The following ITGAM variants were observed in gnomAD, a reference collection of about 807,000 sequenced individuals.
ITGAM encodes the protein integrin subunit alpha M, also known as integrin alpha-M.
A neutral mutation model predicts 137.5 loss-of-function variants in ITGAM; 79 were observed. The observed-to-expected ratio is 0.57, with a 90% CI of 0.48 to 0.69. ITGAM has a LOEUF of 0.69. ITGAM is among the 30% of genes least tolerant of loss of function. ITGAM has a pLI of 0.00. For synonymous variants in ITGAM, 583 were observed against 592.3 expected (o/e 0.98, Z 0.23); for missense variants, 1,343 against 1,483.5 (o/e 0.91, Z 1.56).
At chr16:31,270,699 G>GTATA (rs869206231) in intron 5 of ITGAM, among the ~76,000 whole-genome samples, 541 of 25,882 alleles carry the variant, frequency 0.021, 28 homozygotes, top group South Asian at 0.046. Context: ...GTGTGTGTGT[G>GTATA]TATATATATA....
intron 14 of ITGAM, among the ~76,000 whole-genome samples, chr16:31,311,120 T>C (rs925452296): frequency 7.9e-5 from 12 of 152,180 alleles, no homozygotes; most frequent in Admixed American, 4.6e-4. Context: ...TTACACCGTA[T>C]ACAAAAATTA....
chr16:31,302,990 T>A (rs1019191033), intron 14 of ITGAM, among the ~76,000 whole-genome samples: 1 of 115,836 alleles, frequency 8.6e-6, no homozygotes, highest in Non-Finnish European at 1.8e-5. Flanking sequence ...CTTTCTTTCT[T>A]TCTTTCTTTT....
At chr16:31,271,109 G>T in intron 6 of ITGAM, 25 bp downstream of exon 6, 1 of 1,506,884 alleles carries the variant, frequency 6.6e-7, no homozygotes, top group South Asian at 1.3e-5. Context: ...GTAGGTTAGG[G>T]AAGAGCCCAC....
chr16:31,272,302 T>G (rs2079849637), intron 7 of ITGAM, among the ~76,000 whole-genome samples: 1 of 149,680 alleles, frequency 6.7e-6, no homozygotes, highest in Non-Finnish European at 1.5e-5. Flanking sequence ...CACTCTGATT[T>G]TGAGGTGGGT....
intron 2 of ITGAM, among the ~76,000 whole-genome samples, chr16:31,263,238 G>T (rs2079725478): frequency 6.6e-6 from 1 of 152,214 alleles, no homozygotes; most frequent in Non-Finnish European, 1.5e-5. Context: ...ACCGTGCCTG[G>T]CTTGTAATCT....
chr16:31,270,746 T>TATATATA (rs1410086162), intron 5 of ITGAM, among the ~76,000 whole-genome samples: 2 of 106,652 alleles, frequency 1.9e-5, no homozygotes, highest in African/African-American at 4.2e-5. Context: ...TATATATATG[T>TATATATA]TTTTAACGTG....
rs574215077 is a variant in ITGAM at position 31,332,748 on chromosome 16, C to T, written c.*1041C>T. 1.1e-4 allele frequency: 17 copies of T among 152,254 alleles called. No individual in the cohort carries two copies. The South Asian group carries it at 1.2e-3, about 11-fold the overall frequency. The allele number at this position is 152,254 out of a possible 1,614,324, so 9.4% of individuals were successfully genotyped here. On this transcript the variant is annotated 3_prime_UTR_variant, in exon 30 of 30. Transcript: ENST00000544665. ...AAATTACTTTTTCATTCTTTTATAC[C>T]GCTGCATAGTATTCCATTGTGTGAG...
chr16:31,286,670 TC>T (rs2080033011), intron 12 of ITGAM, among the ~76,000 whole-genome samples: 1 of 152,242 alleles, frequency 6.6e-6, no homozygotes, highest in African/African-American at 2.4e-5. Context: ...TCTGTTTATG[TC>T]CTTTACCCAC....
chr16:31,281,190 T>G (rs1051702126), intron 12 of ITGAM, among the ~76,000 whole-genome samples: 1 of 152,186 alleles, frequency 6.6e-6, no homozygotes, highest in Non-Finnish European at 1.5e-5. Flanking sequence ...TTTTTTTTGT[T>G]GTGTCTCTTC....
Position 31,267,192 on chromosome 16 carries a change from G to T in ITGAM, c.427+1045G>T, listed in dbSNP as rs187373888. ...GAGCCACCATGCCTGGCCAGAGTGCGTGGATCTTTCAAGCTGCTTTTTCCC... is the reference window on the plus strand; with the variant it reads ...GAGCCACCATGCCTGGCCAGAGTGCTTGGATCTTTCAAGCTGCTTTTTCCC... On this transcript the variant is annotated intron_variant, in intron 5 of 29. Coordinates refer to ENST00000544665, the MANE Select transcript of ITGAM (RefSeq NM_000632.4). Among the ~76,000 whole-genome samples the T allele has an allele frequency of 5.9e-5, 9 of 152,272 alleles. No individual in the cohort carries two copies. The East Asian group carries it at 1.7e-3, about 29-fold the overall frequency.
At chr16:31,287,273 G>A (rs1292518753) in intron 12 of ITGAM, among the ~76,000 whole-genome samples, 1 of 151,948 alleles carries the variant, frequency 6.6e-6, no homozygotes, top group East Asian at 1.9e-4. Context: ...ATACTGTTTT[G>A]GTTACTATAG....
chr16:31,296,703 C>G (rs1474482263), intron 12 of ITGAM, among the ~76,000 whole-genome samples: 1 of 152,150 alleles, frequency 6.6e-6, no homozygotes, highest in Non-Finnish European at 1.5e-5. Flanking sequence ...TTACTCTCCT[C>G]TCCTCCACCT....
chr16:31,330,480 G>A (rs1286847575), intron 27 of ITGAM, 24 bp from the exon 28 acceptor site: 8 of 1,613,032 alleles, frequency 5.0e-6, no homozygotes, highest in Non-Finnish European at 6.8e-6. Context: ...CCCAGGTGCA[G>A]TGCCCACCCG....
rs74627335 is a variant in ITGAM, at chr16:31,298,386, C to T, written c.1707+432C>T. Among the ~76,000 whole-genome samples the T allele has an allele frequency of 7.5e-3, 1,140 of 152,064 alleles. 9 individuals carry two copies. Among genetic ancestry groups the T allele is most frequent in the Non-Finnish European group, 0.013 (908 of 67,972 alleles). On this transcript the variant is annotated intron_variant, in intron 14 of 29. Coordinates refer to ENST00000544665, the MANE Select transcript of ITGAM (RefSeq NM_000632.4). ...ACAGAGTCAGACTTGCACATGCATG[C>T]GTGCACGTGCACACACACACACACA...
intron 5 of ITGAM, 114 bp downstream of exon 5, chr16:31,266,261 C>G: frequency 1.4e-6 from 1 of 715,792 alleles, no homozygotes; most frequent in Non-Finnish European, 2.4e-6. Flanking sequence ...AGTGGGGGAA[C>G]TGGGTCCCAT....
intron 14 of ITGAM, among the ~76,000 whole-genome samples, chr16:31,317,981 G>T (rs944038295): frequency 2.0e-5 from 3 of 152,108 alleles, no homozygotes; most frequent in Admixed American, 1.3e-4. Flanking sequence ...AGTTTGAGAA[G>T]AATTCATATT....
chr16:31,280,850 G>A (rs1198658952), intron 12 of ITGAM, among the ~76,000 whole-genome samples: 6 of 152,114 alleles, frequency 3.9e-5, no homozygotes, highest in Non-Finnish European at 8.8e-5. Context: ...TATTGGCTGC[G>A]GGTTTGTCAT....
At chr16:31,329,720 C>G in intron 24 of ITGAM, 78 bp from the exon 25 acceptor site, 1 of 1,272,300 alleles carries the variant, frequency 7.9e-7, no homozygotes, top group Non-Finnish European at 1.1e-6. Context: ...ATGGCCTGCC[C>G]CGTGGGGAGG....
chr16:31,298,037 A>T, intron 14 of ITGAM, 83 bp downstream of exon 14: 1 of 1,151,758 alleles, frequency 8.7e-7, no homozygotes, highest in Non-Finnish European at 1.3e-6. Flanking sequence ...CAGCTGCCAG[A>T]TAAGTTCTCA....
Sources: gnomAD v4.1 joint callset for allele counts (sites outside exome capture counted in the v4.1 genomes callset) on GRCh38, gnomAD v4.1.1 for gene constraint, MANE v1.5 for transcripts, NCBI Gene and HGNC (gene_info 2026-07-23, HGNC 2026-07-21) for gene names.